Variants in ERBB4 observed in about 807,000 individuals in gnomAD.
ERBB4 encodes receptor tyrosine-protein kinase erbB-4.
In ERBB4, 42 loss-of-function variants were observed where a neutral mutation model predicts 158.0. That is an observed-to-expected ratio of 0.27 (90% CI 0.21 to 0.34). The LOEUF (loss-of-function observed/expected upper bound fraction) is 0.34, where lower values mean the gene tolerates loss of function less well. ERBB4 is among the 10% of genes least tolerant of loss of function. The pLI is 1.00. For synonymous variants in ERBB4, 583 were observed against 558.7 expected (o/e 1.04, Z -0.61); for missense variants, 1,333 against 1,624.1 (o/e 0.82, Z 3.08).
intron 1 of ERBB4, among the ~76,000 whole-genome samples, chr2:212,331,520 C>A (rs1401495896): frequency 6.6e-6 from 1 of 151,766 alleles, no homozygotes; most frequent in Non-Finnish European, 1.5e-5. Context: ...AAAACTAGAA[C>A]CCAGGGAGAT....
chr2:212,302,871 G>C (rs976231518), intron 1 of ERBB4, among the ~76,000 whole-genome samples: 4 of 151,338 alleles, frequency 2.6e-5, no homozygotes, highest in Non-Finnish European at 5.9e-5. Flanking sequence ...TCATTTCTAT[G>C]TATAGACATA....
At chr2:211,573,767 T>C (rs2067811030) in intron 19 of ERBB4, among the ~76,000 whole-genome samples, 1 of 152,200 alleles carries the variant, frequency 6.6e-6, no homozygotes, top group African/African-American at 2.4e-5. Context: ...CTTTCCTGCC[T>C]GGACTGGATG....
At chr2:212,284,952 G>A (rs532688234) in intron 1 of ERBB4, among the ~76,000 whole-genome samples, 12 of 152,166 alleles carry the variant, frequency 7.9e-5, no homozygotes, top group African/African-American at 2.9e-4. Context: ...CATCTTGACA[G>A]GCAGCCCTTC....
intron 20 of ERBB4, among the ~76,000 whole-genome samples, chr2:211,513,506 A>G (rs2065941675): frequency 6.6e-6 from 1 of 151,876 alleles, no homozygotes. Flanking sequence ...TGAAATCCCT[A>G]ATTATTTAGC....
At chr2:212,041,344 TA>T (rs74421937) in intron 2 of ERBB4, among the ~76,000 whole-genome samples, 14,920 of 151,820 alleles carry the variant, frequency 0.098, 1,441 homozygotes, top group East Asian at 0.54. Context: ...CTAATGAGTA[TA>T]AAAAAAATTC....
chr2:212,393,490 G>A (rs115604143), intron 1 of ERBB4, among the ~76,000 whole-genome samples: 9 of 151,764 alleles, frequency 5.9e-5, no homozygotes, highest in South Asian at 4.2e-4. Context: ...ATAATAAAAC[G>A]TACCACCTTT....
At chr2:211,811,166 C>T (rs1322771075) in intron 3 of ERBB4, among the ~76,000 whole-genome samples, 2 of 152,062 alleles carry the variant, frequency 1.3e-5, no homozygotes. Flanking sequence ...TGTTCCTTTC[C>T]ATGTTTAGGG....
intron 20 of ERBB4, among the ~76,000 whole-genome samples, chr2:211,548,271 G>A (rs1395304713): frequency 6.6e-6 from 1 of 151,724 alleles, no homozygotes; most frequent in East Asian, 1.9e-4. Flanking sequence ...ACCGATTTGG[G>A]AGGTTGCAAT....
chr2:212,034,202 C>G (rs1283209068), intron 2 of ERBB4, among the ~76,000 whole-genome samples: 1 of 151,790 alleles, frequency 6.6e-6, no homozygotes, highest in African/African-American at 2.4e-5. Flanking sequence ...TTTTATATGT[C>G]CCTTCAGAGA....
chr2:211,633,252 T>C (rs1056085173), intron 16 of ERBB4, among the ~76,000 whole-genome samples: 1 of 152,030 alleles, frequency 6.6e-6, no homozygotes, highest in African/African-American at 2.4e-5. Context: ...ATAAATTATA[T>C]AGTAGATGAG....
intron 20 of ERBB4, among the ~76,000 whole-genome samples, chr2:211,556,573 A>G (rs1325866588): frequency 1.3e-5 from 2 of 152,134 alleles, no homozygotes; most frequent in Admixed American, 6.5e-5. Context: ...AGGGTACAGA[A>G]TATACATCCA....
intron 2 of ERBB4, among the ~76,000 whole-genome samples, chr2:211,968,707 T>C (rs2081371972): frequency 6.6e-6 from 1 of 152,180 alleles, no homozygotes; most frequent in East Asian, 1.9e-4. Flanking sequence ...TCACAATACC[T>C]ATTAAAGTAA....
At chr2:211,716,904 C>A (rs2073937091) in intron 7 of ERBB4, among the ~76,000 whole-genome samples, 1 of 152,110 alleles carries the variant, frequency 6.6e-6, no homozygotes, top group Non-Finnish European at 1.5e-5. Context: ...CTGTAAGTTA[C>A]CACATTTAAA....
At chr2:211,875,096 G>GT (rs71054147) in intron 3 of ERBB4, among the ~76,000 whole-genome samples, 31,292 of 129,186 alleles carry the variant, frequency 0.24, 3,884 homozygotes, top group Non-Finnish European at 0.29. Context: ...TGCAGATAAC[G>GT]TTTTTTTTTT....
chr2:212,258,724 C>T (rs919042798), intron 1 of ERBB4, among the ~76,000 whole-genome samples: 2 of 151,218 alleles, frequency 1.3e-5, no homozygotes, highest in Non-Finnish European at 3.0e-5. Context: ...TGTTTCTGGA[C>T]ATTATTTAGC....
intron 1 of ERBB4, among the ~76,000 whole-genome samples, chr2:212,126,460 CAAAAA>C (rs10585812): frequency 4.2e-5 from 3 of 70,668 alleles, no homozygotes; most frequent in African/African-American, 1.6e-4. Flanking sequence ...GACTCTGTCT[CAAAAA>C]AAAAAAAAAA....
chr2:212,311,243 A>G (rs562395944), intron 1 of ERBB4, among the ~76,000 whole-genome samples: 2 of 151,070 alleles, frequency 1.3e-5, no homozygotes, highest in Non-Finnish European at 3.0e-5. Flanking sequence ...TATATGCCGG[A>G]ATACTACTGG....
At chr2:212,410,667 G>A (rs2091470264) in intron 1 of ERBB4, among the ~76,000 whole-genome samples, 2 of 152,118 alleles carry the variant, frequency 1.3e-5, no homozygotes, top group South Asian at 4.1e-4. Context: ...TAATAAAACA[G>A]TGGTATATAT....
intron 20 of ERBB4, among the ~76,000 whole-genome samples, chr2:211,471,414 ATAAG>A (rs1463995629): frequency 2.0e-5 from 3 of 152,182 alleles, no homozygotes; most frequent in African/African-American, 7.2e-5. Flanking sequence ...ATCTGAATTA[ATAAG>A]TAAGGGAATT....
Sources: gnomAD v4.1 joint callset for allele counts (sites outside exome capture counted in the v4.1 genomes callset) on GRCh38, gnomAD v4.1.1 for gene constraint, MANE v1.5 for transcripts, NCBI Gene and HGNC (gene_info 2026-07-23, HGNC 2026-07-21) for gene names.